PIK3AP1: variants seen among roughly 807,000 people sequenced by gnomAD.
PIK3AP1 encodes the protein phosphoinositide 3-kinase adapter protein 1.
PIK3AP1 carries 21 observed loss-of-function variants against 88.1 expected under a neutral mutation model. That is an observed-to-expected ratio of 0.24 (90% confidence interval 0.17 to 0.34). PIK3AP1 has a LOEUF of 0.34. Among genes scored for constraint, PIK3AP1 ranks in the 10% least tolerant of loss-of-function variants. PIK3AP1 has a pLI of 1.00. For synonymous variants in PIK3AP1, 398 were observed against 400.0 expected, an observed-to-expected ratio of 1.00 and a Z score of 0.06; for missense variants, 828 against 1,035.7, an observed-to-expected ratio of 0.80 and a Z score of 2.75.
At chr10:96,657,381 G>C (rs969707822) in intron 2 of PIK3AP1, among the ~76,000 whole-genome samples, 1 of 152,170 alleles carries the variant, frequency 6.6e-6, no homozygotes, top group Admixed American at 6.5e-5. Flanking sequence ...AGGTCTCAGG[G>C]TTATGGCTAG....
intron 1 of PIK3AP1, among the ~76,000 whole-genome samples, chr10:96,710,513 G>A (rs1033402157): frequency 1.3e-5 from 2 of 152,060 alleles, no homozygotes; most frequent in African/African-American, 4.8e-5. Flanking sequence ...TGAGCCACCA[G>A]GCCCAACCCC....
chr10:96,650,239 TG>T (rs1356993117), intron 6 of PIK3AP1, among the ~76,000 whole-genome samples: 3 of 152,208 alleles, frequency 2.0e-5, no homozygotes, highest in Non-Finnish European at 4.4e-5. Context: ...TCGAAAGTCA[TG>T]TAAACTCACC....
At chr10:96,718,785 C>A (rs1386917504) in intron 1 of PIK3AP1, among the ~76,000 whole-genome samples, 2 of 152,166 alleles carry the variant, frequency 1.3e-5, no homozygotes, top group African/African-American at 4.8e-5. Context: ...CAGCCCAGGG[C>A]CTGTTCCTGA....
chr10:96,672,032 C>T (rs1348157363), intron 2 of PIK3AP1, among the ~76,000 whole-genome samples: 1 of 152,050 alleles, frequency 6.6e-6, no homozygotes, highest in Non-Finnish European at 1.5e-5. Flanking sequence ...AAGTGACACC[C>T]TGTCTCAAAA....
At chr10:96,636,034 C>T (rs1269985001) in intron 8 of PIK3AP1, among the ~76,000 whole-genome samples, 3 of 152,110 alleles carry the variant, frequency 2.0e-5, no homozygotes, top group East Asian at 3.9e-4. Context: ...GGTAAAACCC[C>T]GTCTCTACTA....
intron 8 of PIK3AP1, among the ~76,000 whole-genome samples, chr10:96,643,132 A>C (rs1843413600): frequency 6.6e-6 from 1 of 152,196 alleles, no homozygotes; most frequent in African/African-American, 2.4e-5. Context: ...TATTAGGTAT[A>C]TGGATAGGAT....
At chr10:96,716,463 T>C (rs1301180631) in intron 1 of PIK3AP1, among the ~76,000 whole-genome samples, 2 of 152,172 alleles carry the variant, frequency 1.3e-5, no homozygotes, top group South Asian at 2.1e-4. Context: ...AATTACTAAG[T>C]CTAGGCAAAT....
chr10:96,599,810 T>C (rs1156833243), intron 16 of PIK3AP1, among the ~76,000 whole-genome samples: 1 of 152,190 alleles, frequency 6.6e-6, no homozygotes, highest in Non-Finnish European at 1.5e-5. Context: ...TTCGTAAACA[T>C]TGTTTCTTTA....
chr10:96,716,078 C>T (rs980586625), intron 1 of PIK3AP1, among the ~76,000 whole-genome samples: 1 of 151,822 alleles, frequency 6.6e-6, no homozygotes, highest in Non-Finnish European at 1.5e-5. Flanking sequence ...GCCAGGAGTT[C>T]GAGGCCAGCC....
intron 11 of PIK3AP1, 49 bp from the exon 12 acceptor site, chr10:96,620,606 A>G (rs7910630): frequency 0.98 from 1,511,895 of 1,535,430 alleles, 746,807 homozygotes; most frequent in East Asian, 1. Context: ...ACTGGGGACC[A>G]CTCACCAGAA....
intron 14 of PIK3AP1, among the ~76,000 whole-genome samples, chr10:96,608,827 G>A (rs765462284): frequency 6.6e-6 from 1 of 152,218 alleles, no homozygotes; most frequent in Admixed American, 6.5e-5. Flanking sequence ...TTCTCTGCCC[G>A]ACATTTAAGG....
rs2134228236 is a variant in PIK3AP1, at chr10:96,645,486, G to A, written c.1362C>T (p.Ala454=). Residue 454 remains alanine (A), a synonymous_variant, in exon 8 of 17, where the codon GCC becomes GCT. Transcript: ENST00000339364. The stretch of plus-strand genomic sequence containing the variant: ...TGTGCTACTTACAGAGGTCTTCAGT[G>A]GCAGCTGGGACAAAGGCAGCCATGG... ...YESMAAFVPA[A]TEDLYVEMLQ... is the part of the protein sequence containing the mutation. The A allele has an allele frequency of 1.2e-6, 2 of 1,613,648 alleles. No individual in the cohort carries two copies. The highest frequency in any genetic ancestry group is 4.5e-5 in the East Asian group (2 of 44,862).
intron 2 of PIK3AP1, among the ~76,000 whole-genome samples, chr10:96,705,278 A>AAAGGGGAACTTCTTGT (rs1479038743): frequency 6.6e-6 from 1 of 152,188 alleles, no homozygotes; most frequent in African/African-American, 2.4e-5. Context: ...TTCCTGGTGA[A>AAAGGGGAACTTCTTGT]AAGGGGAACT....
At chr10:96,719,539 A>G (rs1225231695) in intron 1 of PIK3AP1, among the ~76,000 whole-genome samples, 2 of 152,114 alleles carry the variant, frequency 1.3e-5, no homozygotes, top group Non-Finnish European at 1.5e-5. Flanking sequence ...ACTCCTGGAG[A>G]GCAGAGACTA....
intron 8 of PIK3AP1, among the ~76,000 whole-genome samples, chr10:96,628,889 C>CAT (rs745432871): frequency 0.086 from 5,159 of 60,096 alleles, 764 homozygotes; most frequent in East Asian, 0.16. Flanking sequence ...TATATATATA[C>CAT]ATATATATAT....
At chr10:96,610,573 A>T (rs990255507) in intron 13 of PIK3AP1, among the ~76,000 whole-genome samples, 1 of 152,156 alleles carries the variant, frequency 6.6e-6, no homozygotes, top group African/African-American at 2.4e-5. Context: ...CCACACACAC[A>T]GTAATGACCC....
At chr10:96,637,150 C>G (rs995843336) in intron 8 of PIK3AP1, among the ~76,000 whole-genome samples, 1 of 152,074 alleles carries the variant, frequency 6.6e-6, no homozygotes, top group Non-Finnish European at 1.5e-5. Context: ...CAAGGAGCAT[C>G]GTAGCCAAAC....
chr10:96,704,439 T>C lies in PIK3AP1; in HGVS notation c.430+5128A>G, dbSNP rs112230838. Among the ~76,000 whole-genome samples the C allele has an allele frequency of 5.8e-3, 889 of 152,296 alleles. 11 individuals are homozygous for C. The highest frequency in any genetic ancestry group is 0.02 in the African/African-American group (847 of 41,566). On this transcript the variant is annotated intron_variant, in intron 2 of 16. Coordinates refer to ENST00000339364, the MANE Select transcript of PIK3AP1 (RefSeq NM_152309.3). Reference sequence around the variant, plus strand: ...GCTTGTTAGAAATGCAGAATCTGGCTGGGTGCGGTGGCTCACGCCTGTAAT... The same window carrying C: ...GCTTGTTAGAAATGCAGAATCTGGCCGGGTGCGGTGGCTCACGCCTGTAAT...
At chr10:96,658,326 A>G (rs1438968944) in intron 2 of PIK3AP1, among the ~76,000 whole-genome samples, 2 of 152,092 alleles carry the variant, frequency 1.3e-5, no homozygotes, top group Non-Finnish European at 2.9e-5. Context: ...GCCTCTGCAG[A>G]GTTTGTGGCA....
Sources: allele counts gnomAD v4.1 joint callset (sites outside exome capture counted in the v4.1 genomes callset), GRCh38; gene constraint gnomAD v4.1.1; transcripts MANE v1.5; gene names NCBI Gene and HGNC (gene_info 2026-07-23, HGNC 2026-07-21).